The following SAMD12 variants were observed in gnomAD, a reference collection of about 807,000 sequenced individuals.
SAMD12 encodes sterile alpha motif domain-containing protein 12.
SAMD12 carries 9 observed loss-of-function variants against 15.0 expected under a neutral mutation model. The observed-to-expected ratio is 0.60, with a 90% confidence interval of 0.36 to 1.05. SAMD12 has a LOEUF of 1.05. Among genes scored for constraint, SAMD12 ranks in the 50% least tolerant of loss-of-function variants. The pLI is 0.01. For missense variants in SAMD12, 230 were observed against 234.2 expected (o/e 0.98, Z 0.12); for synonymous variants, 86 against 90.1 (o/e 0.96, Z 0.25).
chr8:118,371,468 A>G (rs1819093375), intron 4 of SAMD12, among the ~76,000 whole-genome samples: 1 of 152,074 alleles, frequency 6.6e-6, no homozygotes, highest in Admixed American at 6.6e-5. Flanking sequence ...CTTCACAAGC[A>G]GAACTCTGAG....
intron 4 of SAMD12, among the ~76,000 whole-genome samples, chr8:118,329,924 C>T (rs1379432280): frequency 6.6e-6 from 1 of 151,878 alleles, no homozygotes; most frequent in Non-Finnish European, 1.5e-5. Context: ...ATATTAAGAA[C>T]CTCTCCCATA....
intron 2 of SAMD12, among the ~76,000 whole-genome samples, chr8:118,560,734 T>C (rs1826677822): frequency 6.6e-6 from 1 of 152,162 alleles, no homozygotes; most frequent in South Asian, 2.1e-4. Flanking sequence ...CCTACATCAT[T>C]ATTATAACCA....
intron 2 of SAMD12, among the ~76,000 whole-genome samples, chr8:118,469,301 T>G (rs1191601486): frequency 6.7e-6 from 1 of 149,824 alleles, no homozygotes; most frequent in African/African-American, 2.5e-5. Context: ...GAGGTAAGTG[T>G]TATTTCATCC....
intron 4 of SAMD12, among the ~76,000 whole-genome samples, chr8:118,259,768 T>C (rs549667042): frequency 3.3e-5 from 5 of 152,168 alleles, no homozygotes; most frequent in Admixed American, 2.6e-4. Flanking sequence ...ATGTTTCCAG[T>C]GAAAAAGAGA....
intron 2 of SAMD12, among the ~76,000 whole-genome samples, chr8:118,547,146 T>C (rs1030002311): frequency 5.3e-5 from 8 of 152,198 alleles, no homozygotes; most frequent in South Asian, 2.1e-4. Flanking sequence ...GAAAGATTAG[T>C]GCGAGCTTGC....
chr8:118,559,119 C>G (rs979313184), intron 2 of SAMD12, among the ~76,000 whole-genome samples: 3 of 152,170 alleles, frequency 2.0e-5, no homozygotes, highest in Non-Finnish European at 4.4e-5. Context: ...CTATCACTAG[C>G]ACAACACAAA....
the SAMD12 span, among the ~76,000 whole-genome samples, chr8:118,162,885 A>T: frequency 6.6e-6 from 1 of 152,202 alleles, no homozygotes; most frequent in Admixed American, 6.5e-5. Flanking sequence ...ACAGCATTAA[A>T]GTTGTGGAAA....
At chr8:118,382,424 C>T (rs1339189772) in intron 3 of SAMD12, among the ~76,000 whole-genome samples, 1 of 152,208 alleles carries the variant, frequency 6.6e-6, no homozygotes, top group East Asian at 1.9e-4. Context: ...TTGATGCCTT[C>T]CTGTAAACCT....
At chr8:118,174,142 G>A in the SAMD12 span, among the ~76,000 whole-genome samples, 1 of 152,142 alleles carries the variant, frequency 6.6e-6, no homozygotes, top group South Asian at 2.1e-4. Flanking sequence ...TCTGTTAATA[G>A]GCTAATAATT....
chr8:118,566,513 G>T (rs997503314), intron 2 of SAMD12, among the ~76,000 whole-genome samples: 1 of 152,144 alleles, frequency 6.6e-6, no homozygotes, highest in African/African-American at 2.4e-5. Flanking sequence ...CAGAGAAGGA[G>T]CCTAATATAC....
In SAMD12 at chr8:118,379,415, T is replaced by A; in HGVS notation, c.*2A>T. On this transcript the variant is annotated 3_prime_UTR_variant, in exon 4 of 4. Transcript: ENST00000314727. ...GAAAAAAGTTTTCAAAGGGAAGTAA[T>A]CTTAAATCTGTATACTATTTTCTAT... The A allele has an allele frequency of 6.2e-7, 1 of 1,612,476 alleles. No homozygotes were observed. The highest frequency in any genetic ancestry group is 1.7e-5 in the Admixed American group (1 of 59,860).
At chr8:118,227,750 AC>A (rs951493985) in intron 4 of SAMD12, among the ~76,000 whole-genome samples, 6 of 152,194 alleles carry the variant, frequency 3.9e-5, no homozygotes, top group African/African-American at 1.4e-4. Flanking sequence ...AATGTACCTC[AC>A]CACACAAAAG....
At chr8:118,571,950 A>T (rs369797034) in intron 2 of SAMD12, among the ~76,000 whole-genome samples, 16 of 152,274 alleles carry the variant, frequency 1.1e-4, no homozygotes, top group African/African-American at 3.6e-4. Flanking sequence ...AGAATGGTAG[A>T]TCCACTGATA....
chr8:118,240,818 G>A (rs997916841), intron 4 of SAMD12, among the ~76,000 whole-genome samples: 8 of 152,248 alleles, frequency 5.3e-5, no homozygotes, highest in Non-Finnish European at 7.4e-5. Flanking sequence ...GAGATTGCCC[G>A]TGGTGCTGAA....
intron 2 of SAMD12, among the ~76,000 whole-genome samples, chr8:118,459,293 T>C (rs946734987): frequency 2.6e-5 from 4 of 152,274 alleles, no homozygotes; most frequent in African/African-American, 7.2e-5. Context: ...CTCAAATTCC[T>C]GACCTCAAGT....
In SAMD12 at chr8:118,319,815, G is replaced by C. The variant is rs773324987; in HGVS notation, c.433+59745C>G. Among the ~76,000 whole-genome samples the C allele has an allele frequency of 4.6e-5, 7 of 152,268 alleles. No homozygotes were observed. The East Asian group carries it at 1.4e-3, about 29-fold the overall frequency. On this transcript the variant is annotated intron_variant, in intron 4 of 4. Coordinates refer to the SAMD12 transcript ENST00000409003. ...AGAAAAGCGCAGGTTTGGTGTTTGA[G>C]ATAATATATAAGTTTAAATTTGGTG...
chr8:118,310,702 G>A (rs902955760), intron 4 of SAMD12, among the ~76,000 whole-genome samples: 3 of 152,168 alleles, frequency 2.0e-5, no homozygotes, highest in Admixed American at 6.5e-5. Flanking sequence ...AATGTCAGAC[G>A]GGTGGTCTTG....
chr8:118,171,325 A>G, the SAMD12 span, among the ~76,000 whole-genome samples: 8 of 152,214 alleles, frequency 5.3e-5, no homozygotes, highest in Admixed American at 5.2e-4. Flanking sequence ...ACTCCTTAGT[A>G]CACTCCTTAG....
chr8:118,164,692 AT>A, the SAMD12 span, among the ~76,000 whole-genome samples: 31,071 of 149,230 alleles, frequency 0.21, 3,500 homozygotes, highest in Non-Finnish European at 0.27. Flanking sequence ...GCTATAGGCA[AT>A]TTTTTTTTTT....
Sources: gnomAD v4.1 joint callset for allele counts (sites outside exome capture counted in the v4.1 genomes callset) on GRCh38, gnomAD v4.1.1 for gene constraint, MANE v1.5 for transcripts, NCBI Gene and HGNC (gene_info 2026-07-23, HGNC 2026-07-21) for gene names.